The following UBXN7 variants were observed in gnomAD, a reference collection of about 807,000 sequenced individuals.
UBXN7 encodes the protein UBX domain protein 7.
Under a neutral mutation model 58.0 loss-of-function variants are expected in UBXN7, and 9 were observed. The observed-to-expected ratio is 0.16, with a 90% confidence interval of 0.09 to 0.27. The LOEUF is 0.27. Ranked by LOEUF, UBXN7 falls within the 10% of genes least tolerant of loss-of-function variation. The pLI, the probability that UBXN7 is intolerant of heterozygous loss-of-function variation, is 1.00. For missense variants in UBXN7, 328 were observed against 599.6 expected (o/e 0.55, Z 4.73); for synonymous variants, 208 against 205.0 (o/e 1.01, Z -0.12).
intron 5 of UBXN7, among the ~76,000 whole-genome samples, chr3:196,372,716 C>T (rs1295379636): frequency 4.0e-5 from 6 of 151,688 alleles, no homozygotes; most frequent in South Asian, 2.1e-4. Context: ...CAACAAGTCA[C>T]GTAATTTTAT....
chr3:196,366,484 T>C (rs1386209209), intron 8 of UBXN7, among the ~76,000 whole-genome samples: 19 of 151,346 alleles, frequency 1.3e-4, no homozygotes, highest in African/African-American at 3.6e-4. Context: ...TAAAGTTCTC[T>C]CAAGGCTGCA....
intron 3 of UBXN7, among the ~76,000 whole-genome samples, chr3:196,399,563 A>G (rs980065533): frequency 2.5e-4 from 38 of 152,174 alleles, no homozygotes; most frequent in Admixed American, 2.5e-3. Flanking sequence ...CAGACTCCCA[A>G]GTAACTAGGA....
chr3:196,369,960 G>A (rs1395654329), intron 6 of UBXN7, among the ~76,000 whole-genome samples: 3 of 151,788 alleles, frequency 2.0e-5, no homozygotes, highest in African/African-American at 4.8e-5. Flanking sequence ...GTGAAACCCC[G>A]TCTCTACTAA....
chr3:196,365,908 TAAC>T (rs935506305), intron 8 of UBXN7, among the ~76,000 whole-genome samples: 11 of 151,924 alleles, frequency 7.2e-5, no homozygotes, highest in African/African-American at 2.4e-4. Context: ...AAGGAAGAAA[TAAC>T]AACAATTCTA....
rs77617475 is a variant in UBXN7 at position 196,356,516 on chromosome 3, G to A, written c.*169C>T. 2.6e-3 allele frequency: 1,712 copies of A among 657,882 alleles called. 21 individuals are homozygous for A. The African/African-American group carries it at 0.029, about 11-fold the overall frequency. The allele number at this position is 657,882 out of a possible 1,614,324, so 40.8% of individuals were successfully genotyped here. On this transcript the variant is annotated 3_prime_UTR_variant, in exon 11 of 11. Coordinates refer to ENST00000296328, the MANE Select transcript of UBXN7 (RefSeq NM_015562.2). ...AACAGAAGAGGAGAAAGAAACAAAG[G>A]GGGAGAAAGAGACTGATTATAGGAG...
chr3:196,402,013 A>ACT (rs1730010261), intron 3 of UBXN7, among the ~76,000 whole-genome samples: 1 of 152,018 alleles, frequency 6.6e-6, no homozygotes, highest in African/African-American at 2.4e-5. Flanking sequence ...TGTCTCTTGT[A>ACT]CTCAATTGTA....
intron 3 of UBXN7, among the ~76,000 whole-genome samples, chr3:196,395,381 T>C (rs1324580297): frequency 6.6e-6 from 1 of 152,206 alleles, no homozygotes; most frequent in Non-Finnish European, 1.5e-5. Flanking sequence ...TATGTGTATG[T>C]TTTTATGTTA....
In UBXN7 at chr3:196,355,873, T is replaced by C. The variant is rs566474949; in HGVS notation, c.*812A>G. 2.0e-5 allele frequency: 3 copies of C among 152,250 alleles called. No homozygotes were observed. Among genetic ancestry groups the C allele is most frequent in the South Asian group, 2.1e-4 (1 of 4,828 alleles). The allele number at this position is 152,250 out of a possible 1,614,324, so 9.4% of individuals were successfully genotyped here. ...AACTAATATGCTGTGCTGGCAAAAATAGCAAGCACCTTCCTATCCCAGTCA... is the reference window on the plus strand; with the variant it reads ...AACTAATATGCTGTGCTGGCAAAAACAGCAAGCACCTTCCTATCCCAGTCA... On this transcript the variant is annotated 3_prime_UTR_variant, in exon 11 of 11. Coordinates refer to ENST00000296328, the MANE Select transcript of UBXN7 (RefSeq NM_015562.2).
intron 5 of UBXN7, among the ~76,000 whole-genome samples, chr3:196,376,861 C>T (rs190178325): frequency 2.6e-5 from 4 of 151,766 alleles, no homozygotes; most frequent in Admixed American, 6.6e-5. Context: ...ACCTGGGCAA[C>T]GTGGCAAAAC....
intron 1 of UBXN7, among the ~76,000 whole-genome samples, chr3:196,407,892 G>A (rs1330120056): frequency 1.3e-5 from 2 of 152,002 alleles, no homozygotes; most frequent in Admixed American, 1.3e-4. Flanking sequence ...GAGGTCAGGA[G>A]TTGGAGACCA....
chr3:196,391,591 G>C (rs1429776454), intron 5 of UBXN7, among the ~76,000 whole-genome samples: 1 of 151,860 alleles, frequency 6.6e-6, no homozygotes, highest in Non-Finnish European at 1.5e-5. Flanking sequence ...TTAATTAGCT[G>C]AGTGTGGTGG....
intron 3 of UBXN7, among the ~76,000 whole-genome samples, chr3:196,401,508 A>C (rs895182835): frequency 6.6e-6 from 1 of 150,886 alleles, no homozygotes; most frequent in Non-Finnish European, 1.5e-5. Context: ...TATTATCCTA[A>C]GTGAATTAAT....
intron 1 of UBXN7, among the ~76,000 whole-genome samples, chr3:196,417,466 G>A (rs1411632090): frequency 6.6e-6 from 1 of 151,906 alleles, no homozygotes; most frequent in Non-Finnish European, 1.5e-5. Context: ...TAAGAGCCTG[G>A]GAACTACTCA....
chr3:196,390,611 C>T (rs1364471960), intron 5 of UBXN7, among the ~76,000 whole-genome samples: 3 of 151,570 alleles, frequency 2.0e-5, no homozygotes, highest in Non-Finnish European at 2.9e-5. Flanking sequence ...CGTGGTGGTG[C>T]GCACCTGTTT....
chr3:196,412,222 C>CT (rs1331878303), intron 1 of UBXN7, among the ~76,000 whole-genome samples: 1 of 94,838 alleles, frequency 1.1e-5, no homozygotes, highest in Admixed American at 1.7e-4. Flanking sequence ...CAGAGCGAGA[C>CT]TTTGTCTCAA....
chr3:196,379,357 ACCT>A (rs1729127003), intron 5 of UBXN7, among the ~76,000 whole-genome samples: 1 of 151,944 alleles, frequency 6.6e-6, no homozygotes, highest in South Asian at 2.1e-4. Context: ...TCTTGTGCTG[ACCT>A]CCTATCTCAT....
intron 5 of UBXN7, among the ~76,000 whole-genome samples, chr3:196,382,053 T>C (rs964908065): frequency 3.9e-5 from 6 of 152,152 alleles, no homozygotes; most frequent in Admixed American, 2.6e-4. Flanking sequence ...GGAACCAAGA[T>C]GGAAAACACT....
intron 5 of UBXN7, among the ~76,000 whole-genome samples, chr3:196,388,720 G>A (rs1235819833): frequency 3.3e-5 from 5 of 152,034 alleles, no homozygotes; most frequent in Non-Finnish European, 7.4e-5. Context: ...ACAAACCTAT[G>A]GGCCCTCCTT....
At chr3:196,366,468 T>C (rs1464630585) in intron 8 of UBXN7, among the ~76,000 whole-genome samples, 1 of 151,966 alleles carries the variant, frequency 6.6e-6, no homozygotes, top group Non-Finnish European at 1.5e-5. Context: ...AAGTTTTTTT[T>C]TTTTTTAAAG....
Sources: allele counts gnomAD v4.1 joint callset (sites outside exome capture counted in the v4.1 genomes callset), GRCh38; gene constraint gnomAD v4.1.1; transcripts MANE v1.5; gene names NCBI Gene and HGNC (gene_info 2026-07-23, HGNC 2026-07-21).